Variants in ATL1 observed in about 807,000 individuals in gnomAD.
The protein encoded by ATL1 is atlastin-1.
In ATL1, 31 loss-of-function variants were observed where a neutral mutation model predicts 75.5. The observed-to-expected ratio is 0.41, with a 90% CI of 0.31 to 0.55. ATL1 has a LOEUF of 0.55. Ranked by LOEUF, ATL1 falls within the 20% of genes least tolerant of loss-of-function variation. The probability of loss-of-function intolerance (pLI) is 0.27; values close to 1 mark genes in which losing one functional copy is unlikely to be tolerated. For synonymous variants in ATL1, 226 were observed against 233.3 expected, an observed-to-expected ratio of 0.97 and a Z score of 0.28; for missense variants, 405 against 662.6, an observed-to-expected ratio of 0.61 and a Z score of 4.27.
At chr14:50,598,425 A>G (rs2039241536) in intron 6 of ATL1, among the ~76,000 whole-genome samples, 1 of 151,880 alleles carries the variant, frequency 6.6e-6, no homozygotes, top group South Asian at 2.1e-4. Context: ...CAATGTCATG[A>G]TCTCGGCTCA....
chr14:50,603,661 T>G (rs1290380338), intron 6 of ATL1, among the ~76,000 whole-genome samples: 1 of 152,212 alleles, frequency 6.6e-6, no homozygotes, highest in African/African-American at 2.4e-5. Context: ...AAAAAATTCT[T>G]TGATAGTGAT....
At chr14:50,546,398 G>T (rs1395073654) in intron 1 of ATL1, among the ~76,000 whole-genome samples, 1 of 152,046 alleles carries the variant, frequency 6.6e-6, no homozygotes, top group Non-Finnish European at 1.5e-5. Context: ...GTGTGTGAGA[G>T]AGCATACATG....
intron 6 of ATL1, among the ~76,000 whole-genome samples, chr14:50,606,661 T>C (rs1284906873): frequency 6.6e-6 from 1 of 152,062 alleles, no homozygotes; most frequent in Non-Finnish European, 1.5e-5. Context: ...TTCCAACCAT[T>C]AGTCTTTGGG....
At chr14:50,550,943 T>C (rs776441579) in intron 1 of ATL1, among the ~76,000 whole-genome samples, 1 of 151,550 alleles carries the variant, frequency 6.6e-6, no homozygotes, top group Non-Finnish European at 1.5e-5. Context: ...CATCAAAAAG[T>C]CTGAAAGAGC....
At position 50,628,310 on chromosome 14, in the gene ATL1, T is replaced by A; in HGVS notation, c.1399T>A (p.Phe467Ile). Residue 467 changes from phenylalanine (F) to isoleucine (I), a missense_variant, in exon 12 of 14, where the codon TTC (phenylalanine) becomes ATC (isoleucine). This residue lies in a region of ATL1 where 163 missense variants were observed against 244.1 expected (regional missense o/e 0.67). Coordinates refer to ENST00000358385, the MANE Select transcript of ATL1 (RefSeq NM_015915.5). ...ATATGTGATTGCTGGTGTGACTGGATTCATTGGTTTGGACATCATAGCTAG... is the reference window on the plus strand; with the variant it reads ...ATATGTGATTGCTGGTGTGACTGGAATCATTGGTTTGGACATCATAGCTAG... ...ITYVIAGVTG[F>I]IGLDIIASLC... 10 of 1,614,154 alleles carry A rather than the reference T, an allele frequency of 6.2e-6. No homozygotes were observed. Among genetic ancestry groups the A allele is most frequent in the Non-Finnish European group, 8.5e-6 (10 of 1,180,026 alleles).
intron 1 of ATL1, among the ~76,000 whole-genome samples, chr14:50,584,485 C>T (rs1394457032): frequency 6.6e-6 from 1 of 152,028 alleles, no homozygotes; most frequent in Non-Finnish European, 1.5e-5. Context: ...GGGCAGATCA[C>T]GAGGTCAGGA....
intron 10 of ATL1, 94 bp downstream of exon 10, chr14:50,621,993 T>C: frequency 1.2e-6 from 1 of 859,584 alleles, no homozygotes; most frequent in South Asian, 1.4e-5. Context: ...TTAGACAGAA[T>C]AATTTATTGG....
chr14:50,544,290 A>G (rs769639930), intron 1 of ATL1, among the ~76,000 whole-genome samples: 7 of 152,232 alleles, frequency 4.6e-5, no homozygotes, highest in Non-Finnish European at 7.3e-5. Context: ...CTTGGGCCCA[A>G]TAACTACCCT....
At chr14:50,609,696 C>T (rs991023316) in intron 6 of ATL1, among the ~76,000 whole-genome samples, 1 of 151,984 alleles carries the variant, frequency 6.6e-6, no homozygotes, top group African/African-American at 2.4e-5. Context: ...TCTAGCTCTG[C>T]CCACTGAAAG....
intron 11 of ATL1, among the ~76,000 whole-genome samples, chr14:50,626,071 G>A (rs1015806789): frequency 1.4e-4 from 22 of 152,164 alleles, no homozygotes; most frequent in African/African-American, 3.6e-4. Flanking sequence ...ATTACTGCTC[G>A]TTGGCAATGA....
chr14:50,598,200 G>GGT (rs2039239292), intron 6 of ATL1, among the ~76,000 whole-genome samples: 1 of 151,818 alleles, frequency 6.6e-6, no homozygotes, highest in African/African-American at 2.4e-5. Context: ...GATCACAGAT[G>GGT]GTATGATTTA....
intron 1 of ATL1, among the ~76,000 whole-genome samples, chr14:50,582,727 C>T (rs1027285982): frequency 6.6e-6 from 1 of 151,740 alleles, no homozygotes; most frequent in African/African-American, 2.4e-5. Flanking sequence ...TGCCCAGCTG[C>T]TAATTCATTT....
chr14:50,555,257 C>T (rs906737894), upstream of ATL1, among the ~76,000 whole-genome samples: 1 of 96,834 alleles, frequency 1.0e-5, no homozygotes, highest in Non-Finnish European at 2.3e-5. Flanking sequence ...ACTTTAGTTC[C>T]TTCATTTTTG....
intron 1 of ATL1, among the ~76,000 whole-genome samples, chr14:50,565,460 G>C (rs1476764156): frequency 6.9e-6 from 1 of 144,672 alleles, no homozygotes; most frequent in African/African-American, 2.5e-5. Context: ...ACTCCAGCCT[G>C]GGTGGCAGAA....
At chr14:50,574,937 G>GTATATATATATA (rs71118894) in intron 1 of ATL1, among the ~76,000 whole-genome samples, 56 of 23,152 alleles carry the variant, frequency 2.4e-3, no homozygotes, top group South Asian at 3.3e-3. Flanking sequence ...GTGTGTGTGT[G>GTATATATATATA]TATATATATA....
chr14:50,575,763 T>A (rs2039000318), intron 1 of ATL1, among the ~76,000 whole-genome samples: 2 of 148,618 alleles, frequency 1.3e-5, no homozygotes, highest in Admixed American at 1.4e-4. Context: ...GATTTTTTTT[T>A]ACAAAGTTTA....
At chr14:50,586,949 A>T (rs1380442157) in intron 1 of ATL1, among the ~76,000 whole-genome samples, 1 of 152,212 alleles carries the variant, frequency 6.6e-6, no homozygotes, top group African/African-American at 2.4e-5. Context: ...AAAGATATAG[A>T]AATCCTATAT....
intron 1 of ATL1, 30 bp from the exon 2 acceptor site, chr14:50,587,801 A>C (rs1484083942): frequency 2.5e-6 from 4 of 1,613,968 alleles, no homozygotes; most frequent in Non-Finnish European, 3.4e-6. Flanking sequence ...TGAGATGATT[A>C]GCTGAACCAG....
At chr14:50,615,402 A>G (rs2039405524) in intron 8 of ATL1, among the ~76,000 whole-genome samples, 1 of 152,232 alleles carries the variant, frequency 6.6e-6, no homozygotes, top group African/African-American at 2.4e-5. Flanking sequence ...AGAAAGGACA[A>G]TATAACTTGT....
Sources: allele counts gnomAD v4.1 joint callset (sites outside exome capture counted in the v4.1 genomes callset), GRCh38; gene constraint gnomAD v4.1.1; regional missense constraint gnomAD v4.1.1; transcripts MANE v1.5; gene names NCBI Gene and HGNC (gene_info 2026-07-23, HGNC 2026-07-21).